Variants in ATAD2 observed in about 807,000 individuals in gnomAD.
ATAD2 encodes the protein ATPase family AAA domain-containing protein 2.
In ATAD2, 62 loss-of-function variants were observed where a neutral mutation model predicts 168.9. That is an observed-to-expected ratio of 0.37 (90% confidence interval 0.30 to 0.45). The LOEUF (loss-of-function observed/expected upper bound fraction) is 0.45, where lower values mean the gene tolerates loss of function less well. ATAD2 is among the 20% of genes least tolerant of loss of function. The pLI, the probability that ATAD2 is intolerant of heterozygous loss-of-function variation, is 1.00. For synonymous variants in ATAD2, 613 were observed against 571.6 expected, an observed-to-expected ratio of 1.07 and a Z score of -1.03; for missense variants, 1,419 against 1,667.8, an observed-to-expected ratio of 0.85 and a Z score of 2.60.
At chr8:123,387,542 CAA>C (rs1383011170) in intron 1 of ATAD2, among the ~76,000 whole-genome samples, 1 of 152,014 alleles carries the variant, frequency 6.6e-6, no homozygotes, top group Non-Finnish European at 1.5e-5. Context: ...AACTAAAAAA[CAA>C]AGAGAAAACA....
At chr8:123,389,265 C>G (rs945429165) in intron 1 of ATAD2, among the ~76,000 whole-genome samples, 2 of 147,848 alleles carry the variant, frequency 1.4e-5, no homozygotes. Context: ...TGTGAGCCAC[C>G]GTGCCCGGCC....
At chr8:123,357,536 A>G (rs2131358151) in intron 12 of ATAD2, 26 bp downstream of exon 12, 1 of 1,591,128 alleles carries the variant, frequency 6.3e-7, no homozygotes, top group East Asian at 2.2e-5. Context: ...AGAACTATCC[A>G]GATATATAAA....
At position 123,349,384 on chromosome 8, in the gene ATAD2, C is replaced by G. The variant is rs149210840; in HGVS notation, c.1707G>C (p.Val569=). 6.2e-7 allele frequency: 1 copy of G among 1,613,924 alleles called. No individual in the cohort carries two copies. Among genetic ancestry groups the G allele is most frequent in the African/African-American group, 1.3e-5 (1 of 74,894 alleles). ...CTAGCCTGTTCGTAGCACCAATGAC[C>G]ACAATTTCCCCTCTGCTGTCCAATC... is the stretch of plus-strand genomic sequence containing the variant. ...MDGLDSRGEI[V]VIGATNRLDS... Residue 569 remains valine (V), a synonymous_variant, in exon 14 of 28, where the codon GTG becomes GTC. Coordinates refer to ENST00000287394, the MANE Select transcript of ATAD2 (RefSeq NM_014109.4).
chr8:123,405,083 T>C (rs2130029761), intron 1 of ATAD2, among the ~76,000 whole-genome samples: 1 of 152,248 alleles, frequency 6.6e-6, no homozygotes, highest in South Asian at 2.1e-4. Context: ...CTAGGTTTTG[T>C]GGATGGTATG....
At chr8:123,386,817 A>G (rs750278485) in intron 1 of ATAD2, among the ~76,000 whole-genome samples, 16 of 152,192 alleles carry the variant, frequency 1.1e-4, no homozygotes, top group Middle Eastern at 3.4e-3. Context: ...AGACAATCTT[A>G]TAAGTGGTAT....
Position 123,380,610 on chromosome 8 carries a change from T to C in ATAD2, c.239A>G (p.Asp80Gly). 6.2e-7 allele frequency: 1 copy of C among 1,614,144 alleles called. No homozygotes were observed. The stretch of plus-strand genomic sequence containing the variant: ...ACTAGAATCTGAAGAATTCTGTGCA[T>C]CTTTTCTCAAAGATCTTAAAGCACG... Reference protein sequence around the residue: ...RTRALRSLRKDAQNSSDSSFE... With the variant: ...RTRALRSLRKGAQNSSDSSFE... The change falls in exon 2 of 28, where the codon GAT becomes GGT. Residue 80 changes from aspartate to glycine, a missense_variant. By Grantham distance (94) the Asp-to-Gly change is moderately conservative (BLOSUM62 -1). Coordinates refer to ENST00000287394, the MANE Select transcript of ATAD2 (RefSeq NM_014109.4).
chr8:123,369,682 T>C, intron 7 of ATAD2, 139 bp downstream of exon 7: 1 of 686,260 alleles, frequency 1.5e-6, no homozygotes, highest in Non-Finnish European at 2.4e-6. Context: ...AAACTTAGGA[T>C]AGGTAAAGAC....
intron 1 of ATAD2, among the ~76,000 whole-genome samples, chr8:123,413,498 C>T (rs1813194757): frequency 6.6e-6 from 1 of 152,126 alleles, no homozygotes; most frequent in Non-Finnish European, 1.5e-5. Context: ...TATTATTATC[C>T]TCATTTTGCA....
chr8:123,325,330 T>G (rs1827583227), intron 26 of ATAD2, among the ~76,000 whole-genome samples: 1 of 151,772 alleles, frequency 6.6e-6, no homozygotes, highest in African/African-American at 2.4e-5. Context: ...TCGCCCAGGC[T>G]GGAGTGCAGT....
Position 123,389,960 on chromosome 8 carries a change from TTA to T in ATAD2, c.171+6225_171+6226del, listed in dbSNP as rs386360951. Among the ~76,000 whole-genome samples, 581 of 94,048 alleles carry T rather than the reference TTA, an allele frequency of 6.2e-3. 17 individuals carry two copies. Among genetic ancestry groups the T allele is most frequent in the East Asian group, 0.06 (198 of 3,310 alleles). The allele number at this position is 94,048 out of a possible 152,430, so 61.7% of individuals were successfully genotyped here. A position where few individuals can be genotyped will look rare whatever the true frequency, so the allele number is the denominator to read the frequency against. On this transcript the variant is annotated intron_variant, in intron 1 of 27. Coordinates refer to ENST00000287394, the MANE Select transcript of ATAD2 (RefSeq NM_014109.4). ...ATAAGTGGTAGCTATTACTATTATT[TTA>T]TATATATATATATATATATATATTT...
At chr8:123,414,413 G>A (rs1040780016) in intron 1 of ATAD2, among the ~76,000 whole-genome samples, 2 of 152,148 alleles carry the variant, frequency 1.3e-5, no homozygotes, top group African/African-American at 4.8e-5. Context: ...TGCCCAATCA[G>A]GATAAGAAAC....
At chr8:123,350,723 C>T (rs1828423960) in intron 13 of ATAD2, among the ~76,000 whole-genome samples, 1 of 150,392 alleles carries the variant, frequency 6.6e-6, no homozygotes, top group African/African-American at 2.4e-5. Flanking sequence ...GATCTAGAAG[C>T]TTTTTTTTTC....
intron 1 of ATAD2, among the ~76,000 whole-genome samples, chr8:123,390,532 T>C (rs1344297353): frequency 6.6e-6 from 1 of 152,216 alleles, no homozygotes; most frequent in Non-Finnish European, 1.5e-5. Flanking sequence ...TTTGTGATAC[T>C]TCATTAAGCT....
chr8:123,379,725 G>C (rs1427291444), intron 2 of ATAD2, among the ~76,000 whole-genome samples: 1 of 151,494 alleles, frequency 6.6e-6, no homozygotes, highest in East Asian at 1.9e-4. Context: ...ACTATGCCCA[G>C]CTATATTTTT....
intron 1 of ATAD2, among the ~76,000 whole-genome samples, chr8:123,381,853 C>T (rs905130820): frequency 1.3e-5 from 2 of 152,150 alleles, no homozygotes; most frequent in African/African-American, 4.8e-5. Context: ...CCAGCCTGGC[C>T]ATGGCCAACA....
rs553752201 is a variant in ATAD2 at position 123,410,412 on chromosome 8, G to A, written c.-2282+5836C>T. 1.0e-3 allele frequency among the ~76,000 whole-genome samples: 155 copies of A among 152,162 alleles called. 1 individual carries two copies. The highest frequency in any genetic ancestry group is 2.9e-3 in the African/African-American group (120 of 41,516). Reference sequence around the variant, plus strand: ...AGCGATTCTCCTGCCTCAGCCTCCCGAGTAGCTGGGATTACGGGCATGCGC... The same window carrying A: ...AGCGATTCTCCTGCCTCAGCCTCCCAAGTAGCTGGGATTACGGGCATGCGC... On this transcript the variant is annotated intron_variant, in intron 1 of 28. Transcript: ENST00000521903.
At position 123,370,887 on chromosome 8, in the gene ATAD2, AAG is replaced by A. The variant is rs1563855476; in HGVS notation, c.727+14_727+15del. On this transcript the variant is annotated intron_variant, in intron 6 of 27. Transcript: ENST00000287394. ...TAAATTCAATCCCAGAAGACAGAAC[AAG>A]AGAAGAGACTAACCCACACTGCCTT... 6.4e-7 allele frequency: 1 copy of A among 1,558,572 alleles called. No homozygotes were observed. The highest frequency in any genetic ancestry group is 1.2e-5 in the South Asian group (1 of 84,726).
intron 1 of ATAD2, among the ~76,000 whole-genome samples, chr8:123,393,999 C>T (rs1431430433): frequency 2.6e-5 from 4 of 151,810 alleles, no homozygotes; most frequent in Non-Finnish European, 5.9e-5. Context: ...ATAAAGTGGT[C>T]AGACTTGGAA....
chr8:123,403,477 G>A (rs538278523), intron 1 of ATAD2, among the ~76,000 whole-genome samples: 2 of 151,724 alleles, frequency 1.3e-5, no homozygotes, highest in East Asian at 1.9e-4. Flanking sequence ...CCAGGCTGCA[G>A]TGCAGTGGCT....
Sources: allele counts gnomAD v4.1 joint callset (sites outside exome capture counted in the v4.1 genomes callset), GRCh38; gene constraint gnomAD v4.1.1; transcripts MANE v1.5; gene names NCBI Gene and HGNC (gene_info 2026-07-23, HGNC 2026-07-21).